NRXN3: variants seen among roughly 807,000 people sequenced by gnomAD.
NRXN3 encodes neurexin III.
A neutral mutation model predicts 137.6 loss-of-function variants in NRXN3; 32 were observed. That is an observed-to-expected ratio of 0.23 (90% CI 0.18 to 0.31). NRXN3 has a LOEUF of 0.31. Ranked by LOEUF, NRXN3 falls within the 10% of genes least tolerant of loss-of-function variation. The pLI is 1.00. For synonymous variants in NRXN3, 798 were observed against 784.5 expected, an observed-to-expected ratio of 1.02 and a Z score of -0.29; for missense variants, 1,574 against 2,062.5, an observed-to-expected ratio of 0.76 and a Z score of 4.59.
At chr14:79,283,435 C>T (rs1198842428) in intron 15 of NRXN3, among the ~76,000 whole-genome samples, 3 of 152,160 alleles carry the variant, frequency 2.0e-5, no homozygotes, top group Admixed American at 2.0e-4. Flanking sequence ...TAGAGAGATT[C>T]ATGCTAAGAC....
chr14:78,227,960 G>A (rs1436380560), intron 1 of NRXN3, among the ~76,000 whole-genome samples: 4 of 152,120 alleles, frequency 2.6e-5, no homozygotes, highest in African/African-American at 7.2e-5. Flanking sequence ...TCAGGCCTCT[G>A]CTGGTGTCAT....
At chr14:78,884,773 A>G (rs2099138588) in intron 10 of NRXN3, among the ~76,000 whole-genome samples, 1 of 152,140 alleles carries the variant, frequency 6.6e-6, no homozygotes, top group Non-Finnish European at 1.5e-5. Flanking sequence ...CAAACAGCCT[A>G]TGTCTTAATT....
At chr14:79,314,132 T>C (rs2087752736) in intron 15 of NRXN3, 1 of 151,584 alleles carries the variant, frequency 6.6e-6, no homozygotes, top group South Asian at 2.1e-4. Context: ...ACGGGTGATT[T>C]CTGCATTTCC....
chr14:79,719,406 A>ATATATGTGTGTGTG (rs1432816220), intron 19 of NRXN3, among the ~76,000 whole-genome samples: 1 of 150,828 alleles, frequency 6.6e-6, no homozygotes, highest in East Asian at 1.9e-4. Context: ...ATGTGTGTAT[A>ATATATGTGTGTGTG]TATATATATA....
chr14:79,799,980 G>A (rs1266585012), intron 19 of NRXN3, among the ~76,000 whole-genome samples: 3 of 152,132 alleles, frequency 2.0e-5, no homozygotes, highest in East Asian at 1.9e-4. Context: ...AATGAAAAAA[G>A]CACCTTGATG....
At chr14:79,241,025 C>T (rs1483856319) in intron 15 of NRXN3, among the ~76,000 whole-genome samples, 1 of 152,072 alleles carries the variant, frequency 6.6e-6, no homozygotes, top group Non-Finnish European at 1.5e-5. Context: ...TTTGCAACAT[C>T]CACAGCCTCT....
At chr14:79,509,378 T>A (rs1483456865) in intron 16 of NRXN3, among the ~76,000 whole-genome samples, 2 of 151,912 alleles carry the variant, frequency 1.3e-5, no homozygotes, top group Non-Finnish European at 2.9e-5. Context: ...TAGCCAGGCA[T>A]CATGGCGTGT....
At chr14:79,142,409 T>C (rs2058882501) in intron 15 of NRXN3, among the ~76,000 whole-genome samples, 1 of 149,214 alleles carries the variant, frequency 6.7e-6, no homozygotes, top group African/African-American at 2.5e-5. Flanking sequence ...CTGGGAGACA[T>C]AGTGAGACTC....
At chr14:78,869,082 T>A (rs2099094951) in intron 10 of NRXN3, among the ~76,000 whole-genome samples, 1 of 152,034 alleles carries the variant, frequency 6.6e-6, no homozygotes, top group South Asian at 2.1e-4. Context: ...TAAGAAGCTA[T>A]GAAAATGCCT....
At chr14:78,338,612 A>G (rs192021592) in intron 4 of NRXN3, among the ~76,000 whole-genome samples, 21 of 152,254 alleles carry the variant, frequency 1.4e-4, no homozygotes, top group Admixed American at 1.1e-3. Flanking sequence ...GGGACAACCG[A>G]CCCACTCAGA....
intron 15 of NRXN3, among the ~76,000 whole-genome samples, chr14:79,129,913 A>G (rs1045422869): frequency 1.4e-5 from 2 of 146,372 alleles, no homozygotes; most frequent in East Asian, 2.0e-4. Flanking sequence ...TGTTGAATTG[A>G]TCCCTTTACC....
chr14:79,301,746 T>C (rs184730960), intron 15 of NRXN3, among the ~76,000 whole-genome samples: 25 of 151,530 alleles, frequency 1.6e-4, no homozygotes, highest in East Asian at 5.8e-4. Flanking sequence ...TGTGTGTGTG[T>C]GCGCGCGCGT....
chr14:78,252,563 A>G (rs2068805010), intron 2 of NRXN3, among the ~76,000 whole-genome samples: 3 of 152,074 alleles, frequency 2.0e-5, no homozygotes, highest in African/African-American at 4.8e-5. Flanking sequence ...CTCTCCTGAC[A>G]CTTTTGCCTC....
chr14:78,806,045 CT>C (rs202241378), intron 9 of NRXN3, among the ~76,000 whole-genome samples: 11,217 of 83,524 alleles, frequency 0.13, 579 homozygotes, highest in East Asian at 0.33. Flanking sequence ...ATAGACTTTG[CT>C]TTTTTTTTTT....
Position 78,893,712 on chromosome 14 carries a change from A to AT in NRXN3, c.2276-63524dup, listed in dbSNP as rs201382442. 8.7e-3 allele frequency among the ~76,000 whole-genome samples: 1,317 copies of AT among 151,902 alleles called. 14 individuals are homozygous for AT. The highest frequency in any genetic ancestry group is 0.031 in the African/African-American group (1,270 of 41,464). ...ACATTTTTATTTTTCTCAATTTTGGATTTTTTGAGGGTGCGAATTTACTTA... is the reference window on the plus strand; with the variant it reads ...ACATTTTTATTTTTCTCAATTTTGGATTTTTTTGAGGGTGCGAATTTACTTA... On this transcript the variant is annotated intron_variant, in intron 10 of 20. Coordinates refer to ENST00000335750, the MANE Select transcript of NRXN3 (RefSeq NM_001330195.2).
chr14:79,087,107 C>T (rs1360622265), intron 15 of NRXN3, among the ~76,000 whole-genome samples: 1 of 152,164 alleles, frequency 6.6e-6, no homozygotes, highest in East Asian at 1.9e-4. Flanking sequence ...AACATCTGAT[C>T]CCCTGGCCTG....
chr14:78,497,316 A>C (rs1006843821), intron 4 of NRXN3, among the ~76,000 whole-genome samples: 3 of 152,126 alleles, frequency 2.0e-5, no homozygotes, highest in African/African-American at 7.2e-5. Context: ...GAAATTATGC[A>C]ATCACACTGT....
At chr14:79,135,628 A>T (rs1043281181) in intron 15 of NRXN3, among the ~76,000 whole-genome samples, 1 of 152,336 alleles carries the variant, frequency 6.6e-6, no homozygotes, top group South Asian at 2.1e-4. Context: ...GATAGTTTTT[A>T]ACATCAAGAG....
chr14:79,758,694 G>A (rs78264860), intron 19 of NRXN3, among the ~76,000 whole-genome samples: 2,514 of 152,272 alleles, frequency 0.017, 65 homozygotes, highest in African/African-American at 0.058. Flanking sequence ...GGTCCAGGAC[G>A]TGTTCAACAG....
Sources: allele counts gnomAD v4.1 joint callset (sites outside exome capture counted in the v4.1 genomes callset), GRCh38; gene constraint gnomAD v4.1.1; transcripts MANE v1.5; gene names NCBI Gene and HGNC (gene_info 2026-07-23, HGNC 2026-07-21).